The following RABGAP1L variants were observed in gnomAD, a reference collection of about 807,000 sequenced individuals.
The protein encoded by RABGAP1L is rab GTPase-activating protein 1-like.
A neutral mutation model predicts 137.7 loss-of-function variants in RABGAP1L; 63 were observed. The ratio of observed to expected loss-of-function variants is 0.46; its 90% confidence interval spans 0.37 to 0.56. The LOEUF (loss-of-function observed/expected upper bound fraction) is 0.56, where lower values mean the gene tolerates loss of function less well. Among genes scored for constraint, RABGAP1L ranks in the 20% least tolerant of loss-of-function variants. The pLI is 0.00. For synonymous variants in RABGAP1L, 431 were observed against 433.7 expected (o/e 0.99, Z 0.08); for missense variants, 1,095 against 1,244.0 (o/e 0.88, Z 1.80).
At chr1:174,393,877 A>G in intron 12 of RABGAP1L, 118 bp from the exon 13 acceptor site, 1 of 1,142,690 alleles carries the variant, frequency 8.8e-7, no homozygotes, top group East Asian at 2.4e-5. Flanking sequence ...GCCCCCCCAC[A>G]AACTGTTTTC....
intron 13 of RABGAP1L, among the ~76,000 whole-genome samples, chr1:174,554,212 C>G (rs1666733694): frequency 6.6e-6 from 1 of 152,014 alleles, no homozygotes; most frequent in Non-Finnish European, 1.5e-5. Flanking sequence ...CAAATTGGAC[C>G]AAATTCTTGG....
intron 13 of RABGAP1L, among the ~76,000 whole-genome samples, chr1:174,612,121 C>G (rs985546421): frequency 6.6e-6 from 1 of 152,170 alleles, no homozygotes; most frequent in African/African-American, 2.4e-5. Context: ...AGAGGGCATC[C>G]CTGTCTTGCA....
chr1:174,637,285 T>A, intron 13 of RABGAP1L, 90 bp from the exon 14 acceptor site: 1 of 848,436 alleles, frequency 1.2e-6, no homozygotes, highest in South Asian at 1.7e-5. Context: ...TTTACTTTTC[T>A]TGCTGTTTGA....
intron 19 of RABGAP1L, chr1:174,934,830 T>C (rs756107861): frequency 1.3e-5 from 2 of 152,182 alleles, no homozygotes; most frequent in African/African-American, 4.8e-5. Flanking sequence ...TATACACATA[T>C]ATATGCTTCA....
At chr1:174,978,916 G>T (rs1327840217) in intron 23 of RABGAP1L, 26 bp downstream of exon 23, 1 of 1,474,432 alleles carries the variant, frequency 6.8e-7, no homozygotes, top group Admixed American at 2.9e-5. Context: ...GGCACATAGA[G>T]CTAGTTATAG....
At chr1:174,918,443 G>A (rs942879165) in intron 19 of RABGAP1L, among the ~76,000 whole-genome samples, 1 of 152,104 alleles carries the variant, frequency 6.6e-6, no homozygotes, top group Non-Finnish European at 1.5e-5. Flanking sequence ...CCTCAAAACA[G>A]TGTCATAAAA....
intron 18 of RABGAP1L, among the ~76,000 whole-genome samples, chr1:174,805,176 A>G (rs1253393992): frequency 6.6e-6 from 1 of 152,202 alleles, no homozygotes; most frequent in African/African-American, 2.4e-5. Context: ...TTATGTCGAT[A>G]TCTATTATGT....
intron 13 of RABGAP1L, among the ~76,000 whole-genome samples, chr1:174,433,392 C>T (rs1368505189): frequency 6.6e-6 from 1 of 152,138 alleles, no homozygotes; most frequent in African/African-American, 2.4e-5. Flanking sequence ...GTTTTAAACA[C>T]ATATTTTGTG....
At chr1:174,662,135 G>C (rs1676430470) in intron 14 of RABGAP1L, among the ~76,000 whole-genome samples, 1 of 128,980 alleles carries the variant, frequency 7.8e-6, no homozygotes, top group South Asian at 2.4e-4. Context: ...TTGGAGTCTG[G>C]CTCTGTCGCC....
chr1:174,776,230 T>G (rs1019672736), intron 18 of RABGAP1L, among the ~76,000 whole-genome samples: 1 of 151,950 alleles, frequency 6.6e-6, no homozygotes, highest in African/African-American at 2.4e-5. Flanking sequence ...AAAAATTAGC[T>G]GGGTGTGGTG....
intron 14 of RABGAP1L, among the ~76,000 whole-genome samples, chr1:174,642,105 G>A (rs1375652781): frequency 6.6e-6 from 1 of 152,064 alleles, no homozygotes; most frequent in Non-Finnish European, 1.5e-5. Context: ...GATATTTGAT[G>A]TACAATTTAA....
intron 19 of RABGAP1L, among the ~76,000 whole-genome samples, chr1:174,887,262 C>T (rs1040691742): frequency 6.6e-5 from 10 of 152,206 alleles, no homozygotes; most frequent in African/African-American, 2.2e-4. Context: ...ATTGACCTAA[C>T]TGACCCTTCA....
intron 20 of RABGAP1L, chr1:174,958,182 A>T: frequency 7.1e-7 from 1 of 1,412,528 alleles, no homozygotes; most frequent in Non-Finnish European, 9.4e-7. Flanking sequence ...AGGTATATTG[A>T]GCACAGTAGT....
At chr1:174,515,547 T>C (rs1662749281) in intron 13 of RABGAP1L, among the ~76,000 whole-genome samples, 1 of 150,410 alleles carries the variant, frequency 6.6e-6, no homozygotes, top group African/African-American at 2.5e-5. Context: ...TTTGTTACAT[T>C]TGCAAATTGG....
intron 13 of RABGAP1L, among the ~76,000 whole-genome samples, chr1:174,635,169 C>G (rs1156386846): frequency 1.3e-5 from 2 of 151,960 alleles, no homozygotes. Flanking sequence ...ACTATTGGAA[C>G]CATTTAAACA....
chr1:174,806,010 A>G lies in RABGAP1L; in HGVS notation c.2212-5822A>G, dbSNP rs1036009578. The stretch of plus-strand genomic sequence containing the variant: ...AAAGCAATATAGAAAAGCTCTAACA[A>G]TTTCCCAGTTGAAGAACAGCCTTTC... On this transcript the variant is annotated intron_variant, in intron 18 of 25. Transcript: ENST00000681986. Among the ~76,000 whole-genome samples, 17 of 152,312 alleles carry G rather than the reference A, an allele frequency of 1.1e-4. No individual in the cohort carries two copies. In the East Asian group the frequency reaches 3.3e-3, roughly 29 times the overall value.
chr1:174,620,806 G>A (rs185449104), intron 13 of RABGAP1L, among the ~76,000 whole-genome samples: 268 of 143,658 alleles, frequency 1.9e-3, no homozygotes, highest in Middle Eastern at 0.014. Flanking sequence ...GAAGGAAATA[G>A]AGACACAAAA....
chr1:174,565,620 A>G (rs1667523825), intron 13 of RABGAP1L, among the ~76,000 whole-genome samples: 1 of 152,122 alleles, frequency 6.6e-6, no homozygotes, highest in South Asian at 2.1e-4. Context: ...CACTGTCTGG[A>G]CTTGACGCAG....
intron 18 of RABGAP1L, among the ~76,000 whole-genome samples, chr1:174,754,664 G>A (rs1267245477): frequency 6.6e-6 from 1 of 152,028 alleles, no homozygotes; most frequent in African/African-American, 2.4e-5. Context: ...ACCATGCCCA[G>A]CTAATTTTAA....
Sources: gnomAD v4.1 joint callset for allele counts (sites outside exome capture counted in the v4.1 genomes callset) on GRCh38, gnomAD v4.1.1 for gene constraint, MANE v1.5 for transcripts, NCBI Gene and HGNC (gene_info 2026-07-23, HGNC 2026-07-21) for gene names.